Variants in CAMTA1 observed in about 807,000 individuals in gnomAD.
CAMTA1 encodes calmodulin-binding transcription activator 1.
CAMTA1 carries 27 observed loss-of-function variants against 170.9 expected under a neutral mutation model. The observed-to-expected ratio is 0.16, with a 90% CI of 0.12 to 0.22. The LOEUF (loss-of-function observed/expected upper bound fraction) is 0.22. Among genes scored for constraint, CAMTA1 ranks in the 10% least tolerant of loss-of-function variants. CAMTA1 has a pLI of 1.00. For missense variants in CAMTA1, 1,619 were observed against 2,217.2 expected (o/e 0.73, Z 5.42); for synonymous variants, 833 against 891.5 (o/e 0.93, Z 1.17).
chr1:7,416,661 C>G (rs972261092), intron 5 of CAMTA1, among the ~76,000 whole-genome samples: 1 of 152,190 alleles, frequency 6.6e-6, no homozygotes, highest in Non-Finnish European at 1.5e-5. Context: ...ATACATTCAT[C>G]TAATTTTTTT....
In CAMTA1 at chr1:7,749,272, C is replaced by T. The variant is rs189086115; in HGVS notation, c.4689+1491C>T. On this transcript the variant is annotated intron_variant, in intron 19 of 22. Coordinates refer to ENST00000303635, the MANE Select transcript of CAMTA1 (RefSeq NM_015215.4). ...TGCCTCAATTTCTGATATGGGTTGC[C>T]GTTTCCTCAAGCTTCTCTAGGATTA... Among the ~76,000 whole-genome samples the T allele has an allele frequency of 6.6e-5, 10 of 152,114 alleles. No individual in the cohort carries two copies. The East Asian group carries it at 1.4e-3, about 21-fold the overall frequency.
chr1:7,187,010 C>T (rs2148920432), intron 4 of CAMTA1, among the ~76,000 whole-genome samples: 2 of 152,078 alleles, frequency 1.3e-5, no homozygotes, highest in South Asian at 2.1e-4. Flanking sequence ...CCTGGGAAGT[C>T]AGTGCTCACT....
chr1:7,005,067 C>T (rs987932944), intron 3 of CAMTA1, among the ~76,000 whole-genome samples: 42 of 152,206 alleles, frequency 2.8e-4, no homozygotes, highest in African/African-American at 2.4e-5. Flanking sequence ...CCACCATGTC[C>T]GGCCTCAAAG....
At chr1:7,386,913 C>T (rs1443874050) in intron 5 of CAMTA1, among the ~76,000 whole-genome samples, 1 of 152,310 alleles carries the variant, frequency 6.6e-6, no homozygotes, top group African/African-American at 2.4e-5. Context: ...CCGCTGGTGA[C>T]GTTCAGTGCT....
chr1:7,289,460 G>T (rs1672803538), intron 5 of CAMTA1, among the ~76,000 whole-genome samples: 1 of 152,162 alleles, frequency 6.6e-6, no homozygotes, highest in Non-Finnish European at 1.5e-5. Flanking sequence ...AGGCAGGTGA[G>T]AAAGAGGAAC....
chr1:7,545,957 CT>C (rs70987353), intron 6 of CAMTA1, among the ~76,000 whole-genome samples: 9,601 of 131,366 alleles, frequency 0.073, 856 homozygotes, highest in African/African-American at 0.24. Flanking sequence ...CTTTTCTTTT[CT>C]TTTTTTTTTT....
At position 7,702,953 on chromosome 1, in the gene CAMTA1, C is replaced by T. The variant is rs542414027; in HGVS notation, c.2914+25220C>T. ...ACATGCACCTTCCACCTATTGATTC[C>T]TTTAACTCCCGCACCATAGATATGA... On this transcript the variant is annotated intron_variant, in intron 11 of 22. Transcript: ENST00000303635. 8.2e-4 allele frequency among the ~76,000 whole-genome samples: 125 copies of T among 152,270 alleles called. 1 individual carries two copies. The highest frequency in any genetic ancestry group is 6.0e-4 in the Non-Finnish European group (41 of 68,028).
chr1:7,646,552 GTGGTGAGTTGGGTGGAGGCCC>G (rs1204667944), intron 7 of CAMTA1, among the ~76,000 whole-genome samples: 8 of 131,024 alleles, frequency 6.1e-5, no homozygotes, highest in Non-Finnish European at 8.2e-5. Context: ...GGTGGAGGCT[GTGGTGAGTTGGGTGGAGGCCC>G]TGGTGAGTTG....
At chr1:7,072,304 C>T (rs911737653) in intron 3 of CAMTA1, among the ~76,000 whole-genome samples, 2 of 152,198 alleles carry the variant, frequency 1.3e-5, no homozygotes, top group Admixed American at 1.3e-4. Context: ...CATGTCTGGG[C>T]AGCCAGAGGC....
chr1:7,291,577 G>A (rs1673145486), intron 5 of CAMTA1, among the ~76,000 whole-genome samples: 1 of 152,254 alleles, frequency 6.6e-6, no homozygotes, highest in Admixed American at 6.5e-5. Context: ...AAGCGCTGCT[G>A]GGAGATCCCC....
intron 6 of CAMTA1, among the ~76,000 whole-genome samples, chr1:7,513,900 C>T (rs565360484): frequency 9.9e-5 from 15 of 152,068 alleles, no homozygotes; most frequent in Non-Finnish European, 8.8e-5. Flanking sequence ...CCAGCCTGGG[C>T]GACAAGAGTG....
chr1:7,189,787 C>T (rs936751019), intron 4 of CAMTA1, among the ~76,000 whole-genome samples: 8 of 152,222 alleles, frequency 5.3e-5, no homozygotes, highest in Middle Eastern at 3.2e-3. Context: ...TACTGGGTAT[C>T]TACCCAGAGG....
intron 3 of CAMTA1, among the ~76,000 whole-genome samples, chr1:6,889,227 T>C (rs1673992014): frequency 6.6e-6 from 1 of 152,226 alleles, no homozygotes; most frequent in African/African-American, 2.4e-5. Context: ...TTTATTCAAC[T>C]GATTGCTGAA....
At chr1:7,498,658 A>G (rs2093887303) in intron 6 of CAMTA1, among the ~76,000 whole-genome samples, 1 of 152,042 alleles carries the variant, frequency 6.6e-6, no homozygotes, top group African/African-American at 2.4e-5. Flanking sequence ...ATGTATGTGG[A>G]TGTATGACTA....
intron 22 of CAMTA1, among the ~76,000 whole-genome samples, chr1:7,757,312 C>T (rs1280775276): frequency 6.6e-6 from 1 of 152,186 alleles, no homozygotes; most frequent in Admixed American, 6.5e-5. Flanking sequence ...CCACAGACAA[C>T]ACATAAATGA....
At chr1:6,956,799 G>A (rs1439665172) in intron 3 of CAMTA1, among the ~76,000 whole-genome samples, 9 of 152,226 alleles carry the variant, frequency 5.9e-5, no homozygotes, top group Admixed American at 5.9e-4. Context: ...GACTGTGGGA[G>A]CAGAGCATCT....
chr1:7,048,590 C>T (rs1246148938), intron 3 of CAMTA1, among the ~76,000 whole-genome samples: 1 of 152,206 alleles, frequency 6.6e-6, no homozygotes, highest in Non-Finnish European at 1.5e-5. Flanking sequence ...CCCATTTGAG[C>T]TCTGTAAGAG....
chr1:6,859,260 G>T (rs1478983278), intron 3 of CAMTA1, among the ~76,000 whole-genome samples: 1 of 152,090 alleles, frequency 6.6e-6, no homozygotes, highest in African/African-American at 2.4e-5. Flanking sequence ...CAGCTTCCCT[G>T]TTTTTTCCTC....
intron 3 of CAMTA1, among the ~76,000 whole-genome samples, chr1:6,901,396 T>C (rs1161091009): frequency 6.6e-6 from 1 of 152,166 alleles, no homozygotes; most frequent in Non-Finnish European, 1.5e-5. Context: ...TCCTAGAAAT[T>C]AAAAAATCCT....
Sources: allele counts gnomAD v4.1 joint callset (sites outside exome capture counted in the v4.1 genomes callset), GRCh38; gene constraint gnomAD v4.1.1; transcripts MANE v1.5; gene names NCBI Gene and HGNC (gene_info 2026-07-23, HGNC 2026-07-21).